The following SCAI variants were observed in gnomAD, a reference collection of about 807,000 sequenced individuals.
The protein encoded by SCAI is suppressor of cancer cell invasion, also known as protein SCAI.
In SCAI, 24 loss-of-function variants were observed where a neutral mutation model predicts 92.2. The observed-to-expected ratio is 0.26, with a 90% CI of 0.19 to 0.37. The LOEUF (loss-of-function observed/expected upper bound fraction) is 0.37, where lower values mean the gene tolerates loss of function less well. Ranked by LOEUF, SCAI falls within the 10% of genes least tolerant of loss-of-function variation. The probability of loss-of-function intolerance (pLI) is 1.00; values close to 1 mark genes in which losing one functional copy is unlikely to be tolerated. For missense variants in SCAI, 450 were observed against 736.2 expected (o/e 0.61, Z 4.50); for synonymous variants, 261 against 258.6 (o/e 1.01, Z -0.09).
intron 3 of SCAI, among the ~76,000 whole-genome samples, chr9:125,033,752 A>AT: frequency 6.6e-6 from 1 of 152,304 alleles, no homozygotes; most frequent in Non-Finnish European, 1.5e-5. Flanking sequence ...CCCAATAAAG[A>AT]TGTTGTTTTT....
intron 17 of SCAI, among the ~76,000 whole-genome samples, chr9:124,953,453 C>T (rs1359440758): frequency 6.6e-6 from 1 of 151,940 alleles, no homozygotes; most frequent in Non-Finnish European, 1.5e-5. Flanking sequence ...ATGCTGAAAC[C>T]CCATCTCTAC....
At chr9:125,119,550 C>T (rs1835116555) in intron 2 of SCAI, among the ~76,000 whole-genome samples, 1 of 152,112 alleles carries the variant, frequency 6.6e-6, no homozygotes, top group Non-Finnish European at 1.5e-5. Context: ...TAACAGTGCT[C>T]CTGAAGGTAG....
At chr9:125,104,045 G>C (rs911414504) in intron 2 of SCAI, among the ~76,000 whole-genome samples, 1 of 152,090 alleles carries the variant, frequency 6.6e-6, no homozygotes, top group African/African-American at 2.4e-5. Context: ...ATATAGCCAG[G>C]CCTTCACATA....
intron 12 of SCAI, among the ~76,000 whole-genome samples, chr9:125,000,420 C>G (rs539692586): frequency 3.9e-4 from 59 of 152,172 alleles, no homozygotes; most frequent in Non-Finnish European, 7.4e-4. Flanking sequence ...GAGGCTGAAG[C>G]AGGAGGACTG....
chr9:125,142,616 G>A lies in SCAI; in HGVS notation c.98+17C>T. 6.2e-7 allele frequency: 1 copy of A among 1,609,854 alleles called. No individual in the cohort carries two copies. The highest frequency in any genetic ancestry group is 8.5e-7 in the Non-Finnish European group (1 of 1,176,194). On this transcript the variant is annotated intron_variant, in intron 2 of 17. Coordinates refer to ENST00000336505, the MANE Select transcript of SCAI (RefSeq NM_001144877.3). Reference sequence around the variant, plus strand: ...AAAAAGAAAAACATGAAGCAAAATAGGAAGGCACTGCCTTACCTGCTTCTC... The same window carrying A: ...AAAAAGAAAAACATGAAGCAAAATAAGAAGGCACTGCCTTACCTGCTTCTC...
At chr9:125,014,745 C>T (rs894342402) in intron 9 of SCAI, among the ~76,000 whole-genome samples, 2 of 152,136 alleles carry the variant, frequency 1.3e-5, no homozygotes, top group African/African-American at 4.8e-5. Context: ...GCCAAAACAA[C>T]AAAGCTGGAG....
chr9:125,056,273 C>G (rs988812685), intron 2 of SCAI, among the ~76,000 whole-genome samples: 1 of 152,090 alleles, frequency 6.6e-6, no homozygotes, highest in African/African-American at 2.4e-5. Context: ...CAAGACCAGC[C>G]TGGCCAACAT....
intron 2 of SCAI, among the ~76,000 whole-genome samples, chr9:125,072,188 T>C (rs913394205): frequency 1.3e-5 from 2 of 152,160 alleles, no homozygotes; most frequent in Non-Finnish European, 2.9e-5. Flanking sequence ...CACGCCCAGC[T>C]AATTTTTGTA....
chr9:125,086,840 C>G (rs779433755), intron 2 of SCAI, among the ~76,000 whole-genome samples: 18 of 152,204 alleles, frequency 1.2e-4, no homozygotes, highest in Non-Finnish European at 1.9e-4. Context: ...TGTGCTTCAA[C>G]TTTCCCATAT....
At chr9:125,067,836 G>A (rs999554084) in intron 2 of SCAI, among the ~76,000 whole-genome samples, 3 of 152,094 alleles carry the variant, frequency 2.0e-5, no homozygotes, top group Non-Finnish European at 4.4e-5. Flanking sequence ...AAACAACAAC[G>A]AGCAGGGACA....
At chr9:125,002,305 T>C (rs544075791) in intron 11 of SCAI, among the ~76,000 whole-genome samples, 1 of 152,196 alleles carries the variant, frequency 6.6e-6, no homozygotes, top group East Asian at 1.9e-4. Context: ...TCCGAAAACT[T>C]GAATGGAGAA....
At chr9:125,063,754 C>CT (rs367915695) in intron 2 of SCAI, among the ~76,000 whole-genome samples, 13,775 of 139,676 alleles carry the variant, frequency 0.099, 831 homozygotes, top group Non-Finnish European at 0.14. Flanking sequence ...TCCCTTTTAT[C>CT]TTTTTTTTTT....
At chr9:125,053,985 T>C (rs72765261) in intron 3 of SCAI, among the ~76,000 whole-genome samples, 342 of 152,294 alleles carry the variant, frequency 2.2e-3, no homozygotes, top group Non-Finnish European at 3.7e-3. Flanking sequence ...ATTTTGTTTT[T>C]ATTTTTTGGT....
At chr9:125,030,549 G>A (rs996895365) in intron 3 of SCAI, among the ~76,000 whole-genome samples, 14 of 152,180 alleles carry the variant, frequency 9.2e-5, no homozygotes, top group African/African-American at 3.4e-4. Flanking sequence ...CTTCGGAAAA[G>A]CTAGTCCAGA....
intron 2 of SCAI, among the ~76,000 whole-genome samples, chr9:125,141,424 C>A (rs536039948): frequency 6.6e-6 from 1 of 152,338 alleles, no homozygotes; most frequent in South Asian, 2.1e-4. Flanking sequence ...TCAATGCCAA[C>A]ATCTGTGAAA....
intron 2 of SCAI, among the ~76,000 whole-genome samples, chr9:125,113,822 C>T (rs1036674935): frequency 1.4e-4 from 21 of 151,834 alleles, no homozygotes; most frequent in African/African-American, 4.6e-4. Context: ...ATTAGCCGGG[C>T]GTGGTGGTGC....
intron 2 of SCAI, among the ~76,000 whole-genome samples, chr9:125,067,997 GA>G (rs1177885886): frequency 6.6e-6 from 1 of 152,164 alleles, no homozygotes; most frequent in Non-Finnish European, 1.5e-5. Context: ...TTGGTAATAT[GA>G]AAGTCTGAAA....
chr9:125,039,247 C>T (rs377383235), intron 3 of SCAI, among the ~76,000 whole-genome samples: 12 of 152,026 alleles, frequency 7.9e-5, no homozygotes, highest in South Asian at 4.2e-4. Context: ...ATTAGCTAGG[C>T]GTGGTGGCAT....
chr9:125,036,426 A>C (rs934686223), intron 3 of SCAI, among the ~76,000 whole-genome samples: 3 of 152,190 alleles, frequency 2.0e-5, no homozygotes, highest in African/African-American at 7.2e-5. Context: ...ACGAAGAAAG[A>C]GTGATAAAAG....
Sources: gnomAD v4.1 joint callset for allele counts (sites outside exome capture counted in the v4.1 genomes callset) on GRCh38, gnomAD v4.1.1 for gene constraint, MANE v1.5 for transcripts, NCBI Gene and HGNC (gene_info 2026-07-23, HGNC 2026-07-21) for gene names.